Variants in RIT2 observed in about 807,000 individuals in gnomAD.
The protein encoded by RIT2 is Ras like without CAAX 2.
Under a neutral mutation model 23.7 loss-of-function variants are expected in RIT2, and 24 were observed. The observed-to-expected ratio is 1.01, with a 90% CI of 0.73 to 1.43. RIT2 has a LOEUF of 1.43. Ranked by LOEUF, RIT2 falls within the 40% of genes most tolerant of loss-of-function variation. The pLI, the probability that RIT2 is intolerant of heterozygous loss-of-function variation, is 0.00. For missense variants in RIT2, 236 were observed against 266.9 expected (o/e 0.88, Z 0.81); for synonymous variants, 107 against 91.1 (o/e 1.17, Z -0.99).
intron 2 of RIT2, among the ~76,000 whole-genome samples, chr18:42,996,605 G>T (rs899649470): frequency 2.6e-5 from 4 of 151,848 alleles, no homozygotes; most frequent in African/African-American, 7.3e-5. Flanking sequence ...TGAGCACCTT[G>T]TGACCCCCCA....
intron 4 of RIT2, among the ~76,000 whole-genome samples, chr18:42,774,466 A>C (rs1913621528): frequency 6.6e-6 from 1 of 152,130 alleles, no homozygotes; most frequent in Non-Finnish European, 1.5e-5. Flanking sequence ...GTATCTATGA[A>C]AGACCTGTCC....
At chr18:42,753,259 C>G (rs893816404) in intron 4 of RIT2, among the ~76,000 whole-genome samples, 2 of 152,058 alleles carry the variant, frequency 1.3e-5, no homozygotes, top group Non-Finnish European at 1.5e-5. Context: ...ATCTTTTACC[C>G]GAGCTTGGTA....
chr18:42,827,469 A>C (rs1906327546), intron 4 of RIT2, among the ~76,000 whole-genome samples: 1 of 152,140 alleles, frequency 6.6e-6, no homozygotes, highest in African/African-American at 2.4e-5. Flanking sequence ...TTGTACAAAA[A>C]TCAAACGCTT....
chr18:42,774,584 A>T (rs620143), intron 4 of RIT2, among the ~76,000 whole-genome samples: 100,220 of 150,650 alleles, frequency 0.67, 36,357 homozygotes, highest in Middle Eastern at 0.83. Context: ...AGACAGGGAT[A>T]TTTTTTTTGA....
At chr18:43,014,475 A>AT (rs1318598919) in intron 2 of RIT2, among the ~76,000 whole-genome samples, 1 of 151,704 alleles carries the variant, frequency 6.6e-6, no homozygotes, top group Non-Finnish European at 1.5e-5. Context: ...AAGGATATGT[A>AT]TTTGTGTTGT....
At chr18:42,826,716 A>T (rs2144001155) in intron 4 of RIT2, among the ~76,000 whole-genome samples, 1 of 152,248 alleles carries the variant, frequency 6.6e-6, no homozygotes. Flanking sequence ...TACATGGACT[A>T]TTCTAAGGTT....
At chr18:42,888,524 T>C (rs959632950) in intron 4 of RIT2, among the ~76,000 whole-genome samples, 1 of 151,952 alleles carries the variant, frequency 6.6e-6, no homozygotes, top group Non-Finnish European at 1.5e-5. Flanking sequence ...CATCTGTTTT[T>C]TTTTTATTTT....
At chr18:42,971,257 C>T (rs959943656) in intron 3 of RIT2, among the ~76,000 whole-genome samples, 1 of 151,958 alleles carries the variant, frequency 6.6e-6, no homozygotes, top group African/African-American at 2.4e-5. Context: ...ACTGTATAGA[C>T]CACCTCCTGA....
intron 2 of RIT2, among the ~76,000 whole-genome samples, chr18:43,022,318 G>C (rs1911616405): frequency 6.6e-6 from 1 of 152,060 alleles, no homozygotes; most frequent in South Asian, 2.1e-4. Flanking sequence ...TTGGGGATCA[G>C]GGATAAAGAA....
At chr18:43,029,101 C>T (rs964084481) in intron 2 of RIT2, among the ~76,000 whole-genome samples, 17 of 151,966 alleles carry the variant, frequency 1.1e-4, no homozygotes, top group African/African-American at 4.1e-4. Flanking sequence ...TTAAGCTTCC[C>T]AAGTCATTCA....
At chr18:42,774,442 T>C (rs1333584525) in intron 4 of RIT2, among the ~76,000 whole-genome samples, 5 of 152,004 alleles carry the variant, frequency 3.3e-5, no homozygotes, top group Non-Finnish European at 7.4e-5. Flanking sequence ...GCCCCACAAC[T>C]TGACTGTATC....
chr18:43,027,777 G>A (rs868122636), intron 2 of RIT2, among the ~76,000 whole-genome samples: 1 of 152,022 alleles, frequency 6.6e-6, no homozygotes, highest in African/African-American at 2.4e-5. Flanking sequence ...CAGGCTTCAC[G>A]GTTATACTCA....
intron 2 of RIT2, among the ~76,000 whole-genome samples, chr18:42,999,739 T>A (rs1434336250): frequency 6.6e-6 from 1 of 152,052 alleles, no homozygotes; most frequent in Non-Finnish European, 1.5e-5. Flanking sequence ...CTAGAGAAGT[T>A]AAGATTTTCA....
At chr18:43,074,146 A>G (rs970584088) in intron 1 of RIT2, among the ~76,000 whole-genome samples, 2 of 152,214 alleles carry the variant, frequency 1.3e-5, no homozygotes, top group African/African-American at 4.8e-5. Context: ...GCTATTTAGG[A>G]GCAGCATAAG....
intron 4 of RIT2, among the ~76,000 whole-genome samples, chr18:42,860,892 C>A (rs769061164): frequency 1.3e-5 from 2 of 152,150 alleles, no homozygotes; most frequent in Admixed American, 1.3e-4. Flanking sequence ...GAAAAAAAAT[C>A]TTTCTTAAAA....
At chr18:42,869,309 A>C (rs550239570) in intron 4 of RIT2, among the ~76,000 whole-genome samples, 10 of 152,328 alleles carry the variant, frequency 6.6e-5, no homozygotes, top group Admixed American at 3.3e-4. Flanking sequence ...CTAATGCTGC[A>C]GCTAATCTGA....
At chr18:42,948,321 G>T (rs949270615) in intron 3 of RIT2, among the ~76,000 whole-genome samples, 1 of 151,960 alleles carries the variant, frequency 6.6e-6, no homozygotes. Flanking sequence ...GAGGTGTGGC[G>T]GTTCCAAGTT....
chr18:42,935,511 A>G (rs553092056), intron 3 of RIT2, among the ~76,000 whole-genome samples: 2 of 152,208 alleles, frequency 1.3e-5, no homozygotes, highest in Admixed American at 6.5e-5. Context: ...AGCACTTATT[A>G]GATGGTGTCA....
At chr18:42,904,022 T>C (rs1248145306) in intron 4 of RIT2, among the ~76,000 whole-genome samples, 1 of 152,056 alleles carries the variant, frequency 6.6e-6, no homozygotes, top group African/African-American at 2.4e-5. Flanking sequence ...GCGGTATAAA[T>C]TGTAATGCTA....
Sources: allele counts gnomAD v4.1 joint callset (sites outside exome capture counted in the v4.1 genomes callset), GRCh38; gene constraint gnomAD v4.1.1; transcripts MANE v1.5; gene names NCBI Gene and HGNC (gene_info 2026-07-23, HGNC 2026-07-21).